The following SLC25A26 variants were observed in gnomAD, a reference collection of about 807,000 sequenced individuals.
The protein encoded by SLC25A26 is solute carrier family 25 member 26.
Under a neutral mutation model 37.8 loss-of-function variants are expected in SLC25A26, and 36 were observed. The observed-to-expected ratio is 0.95, with a 90% CI of 0.73 to 1.26. SLC25A26 has a LOEUF of 1.26. Among genes scored for constraint, SLC25A26 ranks in the 50% most tolerant of loss-of-function variants. SLC25A26 has a pLI of 0.00. For synonymous variants in SLC25A26, 129 were observed against 122.5 expected, an observed-to-expected ratio of 1.05 and a Z score of -0.35; for missense variants, 390 against 331.1, an observed-to-expected ratio of 1.18 and a Z score of -1.38.
At chr3:66,284,304 A>G (rs1483142487) in intron 5 of SLC25A26, among the ~76,000 whole-genome samples, 1 of 152,206 alleles carries the variant, frequency 6.6e-6, no homozygotes, top group Non-Finnish European at 1.5e-5. Context: ...AGCTTAGATT[A>G]TGCCACTGTA....
Position 66,371,071 on chromosome 3 carries a change from C to T in SLC25A26, c.707+469C>T, listed in dbSNP as rs536107369. On this transcript the variant is annotated intron_variant, in intron 9 of 9. Transcript: ENST00000354883. The stretch of plus-strand genomic sequence containing the variant: ...GAGAACCATTGTGCTACAGAAGTGC[C>T]TCAGACTTCTAGCTTCATGTCCTAA... The T allele has an allele frequency of 1.2e-4, 165 of 1,336,014 alleles. 2 individuals are homozygous for T. The South Asian group carries it at 2.9e-3, about 23-fold the overall frequency. The allele number at this position is 1,336,014 out of a possible 1,614,324, so 82.8% of individuals were successfully genotyped here.
Position 66,266,597 on chromosome 3 carries a change from T to TTTA in SLC25A26, c.453+3218_453+3219insTTA, listed in dbSNP as rs57414222. 2.3e-3 allele frequency among the ~76,000 whole-genome samples: 348 copies of TTTA among 148,772 alleles called. 3 individuals are homozygous for TTTA. Among genetic ancestry groups the TTTA allele is most frequent in the African/African-American group, 8.2e-3 (327 of 39,866 alleles). ...CACACTTTTTTTTTTTTTTTTTTTT[T>TTTA]ACTGCATTTGATGTTTGTGGAGATT... is the stretch of plus-strand genomic sequence containing the variant. On this transcript the variant is annotated intron_variant, in intron 5 of 9. Transcript: ENST00000354883.
chr3:66,202,368 G>A (rs1288191548), intron 1 of SLC25A26, among the ~76,000 whole-genome samples: 10 of 151,978 alleles, frequency 6.6e-5, no homozygotes, highest in Admixed American at 4.6e-4. Flanking sequence ...TCATGGGGGT[G>A]CGGGTGCAAG....
intron 1 of SLC25A26, among the ~76,000 whole-genome samples, chr3:66,200,031 C>T (rs2071089280): frequency 6.6e-6 from 1 of 152,214 alleles, no homozygotes; most frequent in Non-Finnish European, 1.5e-5. Flanking sequence ...CATTTACCAA[C>T]TTGCCTAAAC....
chr3:66,361,792 C>G (rs1167451140), intron 6 of SLC25A26, among the ~76,000 whole-genome samples: 1 of 152,050 alleles, frequency 6.6e-6, no homozygotes. Flanking sequence ...GGTGAAACCC[C>G]GTGTCTAGGA....
intron 5 of SLC25A26, among the ~76,000 whole-genome samples, chr3:66,264,018 G>A (rs771405501): frequency 2.2e-4 from 34 of 151,974 alleles, no homozygotes; most frequent in African/African-American, 5.3e-4. Context: ...GGTAGCTCAC[G>A]CCTGTAATCC....
At chr3:66,341,829 A>C (rs574244297) in intron 5 of SLC25A26, among the ~76,000 whole-genome samples, 1 of 152,238 alleles carries the variant, frequency 6.6e-6, no homozygotes, top group East Asian at 1.9e-4. Flanking sequence ...GTAGTTGTTA[A>C]ATTAAAAAAA....
upstream of SLC25A26, among the ~76,000 whole-genome samples, chr3:66,219,371 G>A (rs983993257): frequency 1.8e-4 from 27 of 152,258 alleles, no homozygotes; most frequent in African/African-American, 6.5e-4. Flanking sequence ...TGTCACGTAT[G>A]GCAAAAGGAA....
intron 1 of SLC25A26, among the ~76,000 whole-genome samples, chr3:66,211,153 C>G (rs1262540681): frequency 1.3e-5 from 2 of 152,092 alleles, no homozygotes; most frequent in African/African-American, 4.8e-5. Context: ...TACAAGAGAT[C>G]CTTGAACTCT....
chr3:66,147,492 T>C (rs1576595191), intron 1 of SLC25A26, among the ~76,000 whole-genome samples: 1 of 152,086 alleles, frequency 6.6e-6, no homozygotes, highest in East Asian at 2.0e-4. Flanking sequence ...CGTTGGTTGA[T>C]GGACACTCAG....
At chr3:66,213,283 C>T (rs990935722) in intron 1 of SLC25A26, among the ~76,000 whole-genome samples, 34 of 151,414 alleles carry the variant, frequency 2.2e-4, no homozygotes, top group Non-Finnish European at 2.9e-4. Flanking sequence ...ACCTGTAATC[C>T]CAGCTACTAG....
At chr3:66,370,438 CG>C in intron 8 of SLC25A26, 90 bp from the exon 9 acceptor site, 1 of 1,012,572 alleles carries the variant, frequency 9.9e-7, no homozygotes, top group Non-Finnish European at 1.5e-6. Context: ...ATGAGGGTGA[CG>C]GGGAGCTGTG....
In SLC25A26 at chr3:66,328,360, C is replaced by G. The variant is rs373367279; in HGVS notation, c.454-18004C>G. Among the ~76,000 whole-genome samples, 24 of 152,296 alleles carry G rather than the reference C, an allele frequency of 1.6e-4. No individual in the cohort carries two copies. The East Asian group carries it at 3.1e-3, about 20-fold the overall frequency. ...AGCTGGTTCTGTGAGGCACTCCTCA[C>G]GTGAATCAGTGTTAGACCTTCATAG... On this transcript the variant is annotated intron_variant, in intron 5 of 9. Coordinates refer to ENST00000354883, the MANE Select transcript of SLC25A26 (RefSeq NM_001379210.1).
intron 1 of SLC25A26, among the ~76,000 whole-genome samples, chr3:66,157,041 TG>T (rs762049514): frequency 6.6e-6 from 1 of 152,072 alleles, no homozygotes; most frequent in Non-Finnish European, 1.5e-5. Flanking sequence ...AAGACCAGCC[TG>T]GACAACATAG....
intron 5 of SLC25A26, among the ~76,000 whole-genome samples, chr3:66,266,765 A>G (rs572527907): frequency 2.0e-5 from 3 of 152,204 alleles, no homozygotes; most frequent in African/African-American, 7.2e-5. Context: ...GATGTGGTCA[A>G]GCATGCTGGT....
chr3:66,325,190 A>G (rs917099638), intron 5 of SLC25A26, among the ~76,000 whole-genome samples: 2 of 152,356 alleles, frequency 1.3e-5, no homozygotes, highest in East Asian at 3.9e-4. Flanking sequence ...TGGGAGACGT[A>G]AGGCATATAT....
chr3:66,209,920 A>T (rs1343788312), intron 1 of SLC25A26, among the ~76,000 whole-genome samples: 1 of 64,398 alleles, frequency 1.6e-5, no homozygotes, highest in Non-Finnish European at 2.8e-5. Context: ...ATATATATAT[A>T]TATATATATA....
chr3:66,292,197 G>A (rs1039600208), intron 5 of SLC25A26, among the ~76,000 whole-genome samples: 1 of 151,914 alleles, frequency 6.6e-6, no homozygotes, highest in African/African-American at 2.4e-5. Flanking sequence ...TTGTGTCTTT[G>A]CACATGAGAT....
intron 5 of SLC25A26, among the ~76,000 whole-genome samples, chr3:66,313,220 G>T (rs571720409): frequency 6.6e-6 from 1 of 152,118 alleles, no homozygotes; most frequent in Non-Finnish European, 1.5e-5. Context: ...GTCCTCAATG[G>T]TATTGCCTAG....
Sources: gnomAD v4.1 joint callset for allele counts (sites outside exome capture counted in the v4.1 genomes callset) on GRCh38, gnomAD v4.1.1 for gene constraint, MANE v1.5 for transcripts, NCBI Gene and HGNC (gene_info 2026-07-23, HGNC 2026-07-21) for gene names.